CADM2: variants seen among roughly 807,000 people sequenced by gnomAD.
CADM2 encodes the protein immunoglobulin superfamily member 4D.
A neutral mutation model predicts 49.8 loss-of-function variants in CADM2; 12 were observed. The observed-to-expected ratio is 0.24, with a 90% CI of 0.15 to 0.39. CADM2 has a LOEUF of 0.39. Among genes scored for constraint, CADM2 ranks in the 10% least tolerant of loss-of-function variants. The pLI is 1.00. For missense variants in CADM2, 378 were observed against 492.3 expected (o/e 0.77, Z 2.20); for synonymous variants, 214 against 175.4 (o/e 1.22, Z -1.74).
chr3:85,750,977 T>G (rs2068836155), intron 2 of CADM2, among the ~76,000 whole-genome samples: 1 of 151,974 alleles, frequency 6.6e-6, no homozygotes, highest in Non-Finnish European at 1.5e-5. Flanking sequence ...GATTTAGAAT[T>G]TAAATAAGAG....
chr3:85,211,642 A>T (rs1034441375), intron 1 of CADM2, among the ~76,000 whole-genome samples: 1 of 152,130 alleles, frequency 6.6e-6, no homozygotes, highest in Non-Finnish European at 1.5e-5. Flanking sequence ...TGGTTAGAGA[A>T]GATAGTTGAG....
At chr3:85,893,557 G>A (rs1341164404) in intron 5 of CADM2, among the ~76,000 whole-genome samples, 1 of 152,056 alleles carries the variant, frequency 6.6e-6, no homozygotes, top group African/African-American at 2.4e-5. Flanking sequence ...GAGTGAACAG[G>A]CAACCCACAG....
At chr3:85,704,959 C>T (rs760080825) in intron 1 of CADM2, among the ~76,000 whole-genome samples, 2 of 150,340 alleles carry the variant, frequency 1.3e-5, no homozygotes, top group Non-Finnish European at 3.0e-5. Flanking sequence ...CCCGGGTTCA[C>T]GCCATCCTAC....
At chr3:85,218,622 C>T (rs774688676) in intron 1 of CADM2, among the ~76,000 whole-genome samples, 2 of 152,020 alleles carry the variant, frequency 1.3e-5, no homozygotes, top group African/African-American at 2.4e-5. Context: ...ATGGTGAAAA[C>T]CTGTCTCTGC....
chr3:85,107,627 T>C (rs1307010589), intron 1 of CADM2, among the ~76,000 whole-genome samples: 1 of 139,544 alleles, frequency 7.2e-6, no homozygotes, highest in African/African-American at 2.5e-5. Flanking sequence ...CTTTCTTTCT[T>C]TCTTTTTCTT....
chr3:85,958,337 A>T (rs918890152), intron 7 of CADM2, among the ~76,000 whole-genome samples: 9 of 152,064 alleles, frequency 5.9e-5, no homozygotes, highest in African/African-American at 9.7e-5. Context: ...GAACGCTTTT[A>T]TACTGTTGGT....
At chr3:85,174,723 A>AT (rs1307556431) in intron 1 of CADM2, among the ~76,000 whole-genome samples, 1 of 152,128 alleles carries the variant, frequency 6.6e-6, no homozygotes, top group Non-Finnish European at 1.5e-5. Context: ...TAACATTGGC[A>AT]TAAGAGTTGG....
intron 1 of CADM2, among the ~76,000 whole-genome samples, chr3:85,402,640 A>G (rs1256684541): frequency 2.0e-5 from 3 of 152,222 alleles, no homozygotes; most frequent in African/African-American, 7.2e-5. Flanking sequence ...ATGTCAGAAC[A>G]AACTGTGACT....
intron 6 of CADM2, among the ~76,000 whole-genome samples, chr3:85,927,758 A>T (rs1720059277): frequency 6.6e-6 from 1 of 152,206 alleles, no homozygotes; most frequent in Non-Finnish European, 1.5e-5. Context: ...CATCATCCAT[A>T]ACAGGTTAAG....
At chr3:85,474,229 G>A (rs902654387) in intron 1 of CADM2, among the ~76,000 whole-genome samples, 26 of 151,538 alleles carry the variant, frequency 1.7e-4, no homozygotes, top group African/African-American at 6.3e-4. Context: ...CTGGCTCATG[G>A]GATTGTGGAT....
chr3:85,577,008 C>T (rs1466654276), intron 1 of CADM2, among the ~76,000 whole-genome samples: 4 of 152,050 alleles, frequency 2.6e-5, no homozygotes, highest in Non-Finnish European at 5.9e-5. Context: ...TGACAAAATT[C>T]TCCTGGATGT....
intron 2 of CADM2, among the ~76,000 whole-genome samples, chr3:85,772,510 G>A (rs531515921): frequency 3.3e-5 from 5 of 152,100 alleles, no homozygotes; most frequent in Admixed American, 3.3e-4. Flanking sequence ...AAACAAAAAT[G>A]TATATATTTC....
intron 1 of CADM2, among the ~76,000 whole-genome samples, chr3:85,250,064 T>G (rs1286332047): frequency 6.6e-6 from 1 of 151,890 alleles, no homozygotes; most frequent in Non-Finnish European, 1.5e-5. Flanking sequence ...TATTTCAGTT[T>G]ATAAATTTGA....
intron 3 of CADM2, among the ~76,000 whole-genome samples, chr3:85,874,386 A>G (rs533617561): frequency 6.6e-6 from 1 of 152,278 alleles, no homozygotes; most frequent in East Asian, 1.9e-4. Context: ...TCTCTATCTA[A>G]TGAAGGCAGA....
chr3:85,521,035 C>T (rs1471682765), intron 1 of CADM2, among the ~76,000 whole-genome samples: 7 of 152,046 alleles, frequency 4.6e-5, no homozygotes, highest in African/African-American at 1.7e-4. Flanking sequence ...ACATGATACA[C>T]CATCTGATTT....
At chr3:85,741,070 C>G (rs543443183) in intron 2 of CADM2, among the ~76,000 whole-genome samples, 1 of 152,224 alleles carries the variant, frequency 6.6e-6, no homozygotes, top group African/African-American at 2.4e-5. Flanking sequence ...TAGCAGTTAA[C>G]ATAATTAAAT....
intron 1 of CADM2, among the ~76,000 whole-genome samples, chr3:85,313,893 T>C (rs1022456146): frequency 4.6e-5 from 7 of 152,122 alleles, no homozygotes; most frequent in African/African-American, 7.2e-5. Flanking sequence ...TATTATCTTA[T>C]TTATTTATTT....
chr3:85,838,645 C>T (rs1447597857), intron 3 of CADM2, among the ~76,000 whole-genome samples: 1 of 151,604 alleles, frequency 6.6e-6, no homozygotes. Flanking sequence ...TTTTTAAAAA[C>T]CCCTTAGTGA....
intron 1 of CADM2, among the ~76,000 whole-genome samples, chr3:85,587,797 T>G (rs1183549907): frequency 2.6e-5 from 4 of 151,930 alleles, no homozygotes; most frequent in African/African-American, 9.6e-5. Context: ...CAGGCTGGAG[T>G]GCAGTGGTAT....
Sources: allele counts gnomAD v4.1 joint callset (sites outside exome capture counted in the v4.1 genomes callset), GRCh38; gene constraint gnomAD v4.1.1; transcripts MANE v1.5; gene names NCBI Gene and HGNC (gene_info 2026-07-23, HGNC 2026-07-21).